DPH6: variants seen among roughly 807,000 people sequenced by gnomAD.
DPH6 encodes the protein diphthamine biosynthesis 6, also known as diphthine--ammonia ligase.
DPH6 carries 33 observed loss-of-function variants against 38.2 expected under a neutral mutation model. That is an observed-to-expected ratio of 0.86 (90% CI 0.65 to 1.15). The LOEUF (loss-of-function observed/expected upper bound fraction) is 1.15. DPH6 is among the 50% of genes most tolerant of loss of function. The pLI is 0.00. For missense variants in DPH6, 325 were observed against 320.0 expected, an observed-to-expected ratio of 1.02 and a Z score of -0.12; for synonymous variants, 108 against 103.0, an observed-to-expected ratio of 1.05 and a Z score of -0.30.
At chr15:35,473,556 G>A (rs981563103) in intron 3 of DPH6, among the ~76,000 whole-genome samples, 2 of 151,988 alleles carry the variant, frequency 1.3e-5, no homozygotes, top group Non-Finnish European at 2.9e-5. Flanking sequence ...AGAGCATTAA[G>A]GAGAGTAGAA....
At chr15:35,150,946 C>T in the DPH6 span, among the ~76,000 whole-genome samples, 1 of 152,170 alleles carries the variant, frequency 6.6e-6, no homozygotes, top group Non-Finnish European at 1.5e-5. Flanking sequence ...TGGAGACATT[C>T]AGAACACAAA....
At chr15:35,344,019 T>G (rs1300104517) in intron 3 of DPH6, among the ~76,000 whole-genome samples, 1 of 152,048 alleles carries the variant, frequency 6.6e-6, no homozygotes, top group Non-Finnish European at 1.5e-5. Context: ...TTCATTACCC[T>G]TCATGTTTAA....
chr15:35,155,987 G>A, the DPH6 span, among the ~76,000 whole-genome samples: 2 of 151,992 alleles, frequency 1.3e-5, no homozygotes, highest in South Asian at 2.1e-4. Flanking sequence ...GGTACCCTCT[G>A]CAGACTACAC....
chr15:35,532,004 G>A (rs1338477990), intron 3 of DPH6, among the ~76,000 whole-genome samples: 1 of 152,130 alleles, frequency 6.6e-6, no homozygotes, highest in Non-Finnish European at 1.5e-5. Context: ...ACAGAAAGGA[G>A]GAAGGTAAAT....
downstream of DPH6, among the ~76,000 whole-genome samples, chr15:35,369,313 T>C (rs1403696794): frequency 6.6e-6 from 1 of 151,826 alleles, no homozygotes; most frequent in Non-Finnish European, 1.5e-5. Context: ...GTATTCAGGG[T>C]ACTACATTCT....
the DPH6 span, among the ~76,000 whole-genome samples, chr15:35,161,346 C>T: frequency 1.3e-5 from 2 of 151,890 alleles, no homozygotes; most frequent in Middle Eastern, 3.4e-3. Context: ...GGTTTTAAAT[C>T]TTTATGAGAA....
chr15:35,525,299 C>A (rs1320121682), intron 3 of DPH6, among the ~76,000 whole-genome samples: 1 of 152,144 alleles, frequency 6.6e-6, no homozygotes, highest in Non-Finnish European at 1.5e-5. Context: ...GCCATGTCCC[C>A]AAGCCTATTG....
rs2140977247 is a variant in DPH6, at chr15:35,401,138, T to C, written c.567+9697A>G. Reference sequence around the variant, plus strand: ...GACCATGACTTTGTGGATAAGACTGTCATTCAGAAACACCATACTGTGAAT... The same window carrying C: ...GACCATGACTTTGTGGATAAGACTGCCATTCAGAAACACCATACTGTGAAT... On this transcript the variant is annotated intron_variant, in intron 6 of 8. Transcript: ENST00000256538. 4 of 974,970 alleles carry C rather than the reference T, an allele frequency of 4.1e-6. No homozygotes were observed. In the South Asian group the frequency reaches 5.1e-5, roughly 12 times the overall value. The allele number at this position is 974,970 out of a possible 1,614,324, so 60.4% of individuals were successfully genotyped here.
intron 3 of DPH6, among the ~76,000 whole-genome samples, chr15:35,468,789 T>C (rs1030031642): frequency 2.6e-5 from 4 of 151,996 alleles, no homozygotes; most frequent in African/African-American, 4.8e-5. Flanking sequence ...AGGCAGAGGC[T>C]GGGCGCGGTG....
At chr15:35,201,495 G>A in the DPH6 span, among the ~76,000 whole-genome samples, 2 of 151,642 alleles carry the variant, frequency 1.3e-5, no homozygotes, top group African/African-American at 2.4e-5. Context: ...GTTATTTCAC[G>A]TTTTTAAAAT....
At chr15:35,516,991 A>G (rs939168313) in intron 3 of DPH6, among the ~76,000 whole-genome samples, 1 of 152,066 alleles carries the variant, frequency 6.6e-6, no homozygotes, top group African/African-American at 2.4e-5. Flanking sequence ...TTCATGCAAG[A>G]CTCACATGAA....
chr15:35,332,439 C>A (rs998324773), intron 3 of DPH6, among the ~76,000 whole-genome samples: 1 of 152,106 alleles, frequency 6.6e-6, no homozygotes, highest in Non-Finnish European at 1.5e-5. Context: ...CAGTTTTATT[C>A]CTTTTTATCT....
intron 3 of DPH6, among the ~76,000 whole-genome samples, chr15:35,316,545 T>C (rs961779533): frequency 1.3e-4 from 20 of 152,178 alleles, no homozygotes; most frequent in African/African-American, 3.6e-4. Flanking sequence ...TTAGAAGAAA[T>C]GCCAGAAAGT....
chr15:35,203,018 A>T, the DPH6 span, among the ~76,000 whole-genome samples: 1 of 151,806 alleles, frequency 6.6e-6, no homozygotes, highest in Non-Finnish European at 1.5e-5. Context: ...GTCTAAAAAA[A>T]TCTGTTGTGG....
At chr15:35,511,308 AG>A (rs909219632) in intron 3 of DPH6, among the ~76,000 whole-genome samples, 1 of 152,156 alleles carries the variant, frequency 6.6e-6, no homozygotes, top group African/African-American at 2.4e-5. Flanking sequence ...CTAATGAAGG[AG>A]GGAAAAAAAG....
intron 7 of DPH6, among the ~76,000 whole-genome samples, chr15:35,377,040 C>T (rs1411477188): frequency 1.3e-5 from 2 of 151,758 alleles, no homozygotes; most frequent in Admixed American, 6.6e-5. Context: ...GATATCTCTA[C>T]CATAATAAAA....
the DPH6 span, among the ~76,000 whole-genome samples, chr15:35,195,113 C>CT: frequency 6.6e-6 from 1 of 152,292 alleles, no homozygotes; most frequent in African/African-American, 2.4e-5. Context: ...AATCTACTGT[C>CT]TATCCTCAGG....
Position 35,299,368 on chromosome 15 carries a change from T to G in DPH6, n.200+74153A>C, listed in dbSNP as rs912522417. The G allele has an allele frequency of 2.4e-5, 23 of 938,948 alleles. No individual in the cohort carries two copies. The Admixed American group carries it at 3.5e-4, about 14-fold the overall frequency. The allele number at this position is 938,948 out of a possible 1,614,324, so 58.2% of individuals were successfully genotyped here. ...TGCCTTCTTCACCTGAAGCTGAGAC[T>G]GTAGAAGTTTGAAGTTTTTGGACCA... On this transcript the variant is annotated intron_variant and non_coding_transcript_variant, in intron 3 of 3. Transcript: ENST00000560386.
the DPH6 span, among the ~76,000 whole-genome samples, chr15:35,180,732 C>T: frequency 6.6e-6 from 1 of 152,156 alleles, no homozygotes; most frequent in South Asian, 2.1e-4. Flanking sequence ...AAGAGATCCT[C>T]CCATCTCAGC....
Sources: gnomAD v4.1 joint callset for allele counts (sites outside exome capture counted in the v4.1 genomes callset) on GRCh38, gnomAD v4.1.1 for gene constraint, MANE v1.5 for transcripts, NCBI Gene and HGNC (gene_info 2026-07-23, HGNC 2026-07-21) for gene names.